Variants in UBE2K observed in about 807,000 individuals in gnomAD.
UBE2K encodes the protein ubiquitin conjugating enzyme E2 K, also known as ubiquitin-conjugating enzyme E2 K.
UBE2K carries 6 observed loss-of-function variants against 30.0 expected under a neutral mutation model. The ratio of observed to expected loss-of-function variants is 0.20; its 90% confidence interval spans 0.11 to 0.39. The LOEUF is 0.39. Ranked by LOEUF, UBE2K falls within the 10% of genes least tolerant of loss-of-function variation. The pLI is 1.00. For synonymous variants in UBE2K, 86 were observed against 83.7 expected (o/e 1.03, Z -0.15); for missense variants, 61 against 241.6 (o/e 0.25, Z 4.96).
intron 4 of UBE2K, chr4:39,770,931 G>T: frequency 6.4e-7 from 1 of 1,567,168 alleles, no homozygotes; most frequent in East Asian, 2.2e-5. Context: ...TAGAGGAGGT[G>T]GGGGGTGGGG....
chr4:39,756,461 T>C (rs574874905), intron 4 of UBE2K, among the ~76,000 whole-genome samples: 1 of 152,322 alleles, frequency 6.6e-6, no homozygotes, highest in African/African-American at 2.4e-5. Flanking sequence ...TGTTTTTGTT[T>C]GTTTGTTTTG....
rs766948916 is a variant in UBE2K, at chr4:39,774,956, A to C, written c.399+23A>C. On this transcript the variant is annotated intron_variant, in intron 5 of 6. Coordinates refer to ENST00000261427, the MANE Select transcript of UBE2K (RefSeq NM_005339.5). The stretch of plus-strand genomic sequence containing the variant: ...CAGGTAAGATGGCCGCTTTTGAAAG[A>C]CTTTCTTATATTATGTATGAGTCTC... The C allele has an allele frequency of 3.3e-6, 5 of 1,531,348 alleles. No homozygotes were observed. The Admixed American group carries it at 7.2e-5, about 22-fold the overall frequency. 94.9% of individuals were successfully genotyped at this position (1,531,348 alleles called of 1,614,324 possible).
intron 5 of UBE2K, among the ~76,000 whole-genome samples, chr4:39,775,454 A>G (rs1490024550): frequency 2.0e-5 from 3 of 152,242 alleles, no homozygotes; most frequent in Non-Finnish European, 4.4e-5. Flanking sequence ...TGACCTGTTA[A>G]GAAACAGTTT....
chr4:39,775,667 G>T (rs564253547), intron 5 of UBE2K, among the ~76,000 whole-genome samples: 1 of 152,134 alleles, frequency 6.6e-6, no homozygotes, highest in Non-Finnish European at 1.5e-5. Context: ...TGGGAGAATC[G>T]CTTGAACCTG....
At chr4:39,714,255 T>C in intron 1 of UBE2K, 1 of 188,144 alleles carries the variant, frequency 5.3e-6, no homozygotes. Flanking sequence ...TTTTCAACAT[T>C]GTTCTGCTGT....
At chr4:39,775,694 G>A (rs1713243199) in intron 5 of UBE2K, among the ~76,000 whole-genome samples, 1 of 152,202 alleles carries the variant, frequency 6.6e-6, no homozygotes, top group African/African-American at 2.4e-5. Flanking sequence ...AGAGGTTGCA[G>A]TGAGCTGAGA....
chr4:39,699,763 A>G (rs1464176487), intron 1 of UBE2K, among the ~76,000 whole-genome samples: 2 of 152,212 alleles, frequency 1.3e-5, no homozygotes, highest in Non-Finnish European at 2.9e-5. Context: ...AAAATTATTT[A>G]AAATTCAAAA....
intron 2 of UBE2K, among the ~76,000 whole-genome samples, chr4:39,741,972 T>TAATG (rs1224124919): frequency 2.6e-5 from 4 of 152,184 alleles, no homozygotes; most frequent in African/African-American, 9.6e-5. Flanking sequence ...CCTGATCAAA[T>TAATG]AATGCTATGA....
intron 1 of UBE2K, among the ~76,000 whole-genome samples, chr4:39,712,904 C>T (rs1021843732): frequency 3.4e-5 from 5 of 148,060 alleles, no homozygotes; most frequent in African/African-American, 7.5e-5. Flanking sequence ...CTCGCTTTGT[C>T]GCCCAGACTG....
chr4:39,755,888 T>G lies in UBE2K; in HGVS notation c.299+149T>G, dbSNP rs572678687. On this transcript the variant is annotated intron_variant, in intron 4 of 6. Transcript: ENST00000261427. ...AGTCTCTTAAGTGCATAACTGAAAA[T>G]GCATTATAATTGAGATCACAATCCA... The G allele has an allele frequency of 2.6e-5, 14 of 547,796 alleles. No homozygotes were observed. The Admixed American group carries it at 3.0e-4, about 12-fold the overall frequency. 33.9% of individuals were successfully genotyped at this position (547,796 alleles called of 1,614,324 possible). A position where few individuals can be genotyped will look rare whatever the true frequency, so the allele number is the denominator to read the frequency against.
At chr4:39,704,487 G>C (rs946526390) in intron 1 of UBE2K, among the ~76,000 whole-genome samples, 1 of 151,944 alleles carries the variant, frequency 6.6e-6, no homozygotes, top group Non-Finnish European at 1.5e-5. Flanking sequence ...AAGACTTTGA[G>C]CTCTGTCCAT....
chr4:39,704,402 A>G (rs1382609176), intron 1 of UBE2K, among the ~76,000 whole-genome samples: 9 of 152,056 alleles, frequency 5.9e-5, no homozygotes, highest in Admixed American at 2.6e-4. Context: ...AGGAAAGCCT[A>G]TAGATTGGGT....
At chr4:39,705,430 C>T (rs972050900) in intron 1 of UBE2K, among the ~76,000 whole-genome samples, 1 of 150,982 alleles carries the variant, frequency 6.6e-6, no homozygotes, top group African/African-American at 2.4e-5. Context: ...AACCCCTGAC[C>T]TCAAGTGATC....
intron 3 of UBE2K, among the ~76,000 whole-genome samples, chr4:39,753,380 A>G (rs417393): frequency 0.1 from 15,257 of 152,192 alleles, 1,099 homozygotes; most frequent in African/African-American, 0.2. Flanking sequence ...TGTTTGTTGT[A>G]CATAAGCCCT....
At chr4:39,707,464 T>C (rs913048058) in intron 1 of UBE2K, among the ~76,000 whole-genome samples, 2 of 151,700 alleles carry the variant, frequency 1.3e-5, no homozygotes, top group African/African-American at 4.8e-5. Context: ...CTTCTCAAAG[T>C]GCTGGGATTA....
At position 39,771,247 on chromosome 4, in the gene UBE2K, A is replaced by G. The variant is rs1432553311; in HGVS notation, c.300-3587A>G. On this transcript the variant is annotated intron_variant, in intron 4 of 6. Transcript: ENST00000261427. ...GACCTGCAGCTCCGAGCTGGGGTTAAGCAGGAACTGGTCCCGCAGGAACGG... is the reference window on the plus strand; with the variant it reads ...GACCTGCAGCTCCGAGCTGGGGTTAGGCAGGAACTGGTCCCGCAGGAACGG... The G allele has an allele frequency of 1.2e-5, 19 of 1,611,936 alleles. No homozygotes were observed. In the East Asian group the frequency reaches 3.8e-4, roughly 32 times the overall value.
At position 39,779,042 on chromosome 4, in the gene UBE2K, A is replaced by ACCCCCCCCCCCCCCCCCCCTTCCCC. The variant is rs3839130; in HGVS notation, c.*616_*617insCCCCCCCCCCCTTCCCCCCCCCCCC. The ACCCCCCCCCCCCCCCCCCCTTCCCC allele has an allele frequency of 4.7e-5, 6 of 128,216 alleles. No homozygotes were observed. Among genetic ancestry groups the ACCCCCCCCCCCCCCCCCCCTTCCCC allele is most frequent in the African/African-American group, 6.1e-5 (2 of 32,816 alleles). The allele number at this position is 128,216 out of a possible 1,614,324, so 7.9% of individuals were successfully genotyped here. A position where few individuals can be genotyped will look rare whatever the true frequency, so the allele number is the denominator to read the frequency against. The stretch of plus-strand genomic sequence containing the variant: ...TGGGACAGTGTCTGATTCCCCCTTC[A>ACCCCCCCCCCCCCCCCCCCTTCCCC]CCCCCCCCACCCCCGCCTTGCCACA... On this transcript the variant is annotated 3_prime_UTR_variant, in exon 7 of 7. Transcript: ENST00000261427.
At chr4:39,749,904 A>T (rs1319270754) in intron 3 of UBE2K, among the ~76,000 whole-genome samples, 1 of 152,176 alleles carries the variant, frequency 6.6e-6, no homozygotes, top group Non-Finnish European at 1.5e-5. Context: ...AAAAATAAAT[A>T]AAAATAAGAT....
intron 1 of UBE2K, among the ~76,000 whole-genome samples, chr4:39,710,821 T>C (rs1380856524): frequency 6.6e-6 from 1 of 152,072 alleles, no homozygotes; most frequent in Non-Finnish European, 1.5e-5. Context: ...ACTTTATACT[T>C]AGAAGTTTTA....
Sources: gnomAD v4.1 joint callset for allele counts (sites outside exome capture counted in the v4.1 genomes callset) on GRCh38, gnomAD v4.1.1 for gene constraint, MANE v1.5 for transcripts, NCBI Gene and HGNC (gene_info 2026-07-23, HGNC 2026-07-21) for gene names.